Variants in AGBL1 observed in about 807,000 individuals in gnomAD.
The protein encoded by AGBL1 is cytosolic carboxypeptidase 4.
Under a neutral mutation model 118.9 loss-of-function variants are expected in AGBL1, and 130 were observed. The ratio of observed to expected loss-of-function variants is 1.09; its 90% CI spans 0.95 to 1.26. The LOEUF (loss-of-function observed/expected upper bound fraction) is 1.26, where lower values mean the gene tolerates loss of function less well. AGBL1 is among the 50% of genes most tolerant of loss of function. The pLI, the probability that AGBL1 is intolerant of heterozygous loss-of-function variation, is 0.00. For missense variants in AGBL1, 1,584 were observed against 1,298.1 expected, an observed-to-expected ratio of 1.22 and a Z score of -3.38; for synonymous variants, 555 against 478.9, an observed-to-expected ratio of 1.16 and a Z score of -2.08.
intron 14 of AGBL1, among the ~76,000 whole-genome samples, chr15:86,270,957 GC>G (rs1341185788): frequency 2.0e-5 from 3 of 151,130 alleles, no homozygotes; most frequent in Non-Finnish European, 4.4e-5. Context: ...AGCATTCTCT[GC>G]ATTCCTTGGC....
intron 22 of AGBL1, among the ~76,000 whole-genome samples, chr15:86,863,304 A>T (rs369216150): frequency 6.6e-6 from 1 of 152,210 alleles, no homozygotes; most frequent in South Asian, 2.1e-4. Flanking sequence ...CCCCTAAGGA[A>T]CTGCATATTT....
chr15:86,542,705 C>G (rs1273056082), intron 19 of AGBL1, among the ~76,000 whole-genome samples: 1 of 151,944 alleles, frequency 6.6e-6, no homozygotes, highest in Non-Finnish European at 1.5e-5. Context: ...TTATGCAATC[C>G]TAGAGTACAG....
At chr15:86,527,685 T>G (rs74025180) in intron 19 of AGBL1, among the ~76,000 whole-genome samples, 5,134 of 152,258 alleles carry the variant, frequency 0.034, 123 homozygotes, top group East Asian at 0.082. Context: ...GGGAAGCCAC[T>G]TTATGGTGGC....
chr15:86,242,686 T>G (rs991307792), intron 6 of AGBL1, among the ~76,000 whole-genome samples: 1 of 152,200 alleles, frequency 6.6e-6, no homozygotes, highest in Non-Finnish European at 1.5e-5. Context: ...TGCTGCAGGC[T>G]CCTACATTTT....
intron 23 of AGBL1, among the ~76,000 whole-genome samples, chr15:86,967,449 T>A (rs1409707526): frequency 6.6e-6 from 1 of 152,190 alleles, no homozygotes; most frequent in Non-Finnish European, 1.5e-5. Context: ...CTAGGGTTTT[T>A]ATGGTTTTAG....
intron 22 of AGBL1, among the ~76,000 whole-genome samples, chr15:86,775,083 G>T (rs1343711281): frequency 1.3e-5 from 2 of 152,172 alleles, no homozygotes; most frequent in Admixed American, 1.3e-4. Context: ...TTCAAAACAG[G>T]CATGATTCCT....
chr15:86,807,369 G>A (rs572885851), intron 22 of AGBL1, among the ~76,000 whole-genome samples: 19 of 152,248 alleles, frequency 1.2e-4, no homozygotes, highest in African/African-American at 4.3e-4. Flanking sequence ...GAGACATCAC[G>A]TTGGAAGCAT....
chr15:86,796,477 G>A (rs765451055), intron 22 of AGBL1, among the ~76,000 whole-genome samples: 3 of 152,174 alleles, frequency 2.0e-5, no homozygotes, highest in Non-Finnish European at 4.4e-5. Flanking sequence ...GCCACAGTCC[G>A]AAATACCTCT....
chr15:86,246,951 C>G (rs1169340785), intron 6 of AGBL1, among the ~76,000 whole-genome samples: 2 of 152,158 alleles, frequency 1.3e-5, no homozygotes, highest in African/African-American at 2.4e-5. Context: ...GTGGAAATCT[C>G]TCTCTGTGTC....
chr15:86,281,209 C>G (rs1404395776), intron 16 of AGBL1, among the ~76,000 whole-genome samples: 1 of 152,062 alleles, frequency 6.6e-6, no homozygotes, highest in Non-Finnish European at 1.5e-5. Context: ...ATGGTGAAAC[C>G]ACCATCTCTA....
intron 12 of AGBL1, 132 bp from the exon 13 acceptor site, chr15:86,266,858 G>T: frequency 1.3e-6 from 1 of 783,504 alleles, no homozygotes; most frequent in Non-Finnish European, 2.1e-6. Flanking sequence ...CTGACATCCC[G>T]CCCTGCACTC....
At chr15:86,451,959 A>T (rs1207028942) in intron 18 of AGBL1, among the ~76,000 whole-genome samples, 2 of 152,100 alleles carry the variant, frequency 1.3e-5, no homozygotes, top group African/African-American at 2.4e-5. Flanking sequence ...TTTTACCAAC[A>T]TTGATGATTT....
intron 18 of AGBL1, among the ~76,000 whole-genome samples, chr15:86,409,963 C>G (rs923879896): frequency 6.6e-6 from 1 of 152,090 alleles, no homozygotes; most frequent in African/African-American, 2.4e-5. Flanking sequence ...CTAAATTTCC[C>G]CTTTAGACAT....
At chr15:86,235,154 G>A (rs960300619) in intron 6 of AGBL1, among the ~76,000 whole-genome samples, 2 of 152,108 alleles carry the variant, frequency 1.3e-5, no homozygotes, top group Non-Finnish European at 2.9e-5. Context: ...CCCTACTTTA[G>A]ACTATGTGAG....
intron 21 of AGBL1, among the ~76,000 whole-genome samples, chr15:86,608,174 T>G (rs955906513): frequency 6.6e-6 from 1 of 152,194 alleles, no homozygotes; most frequent in Non-Finnish European, 1.5e-5. Context: ...CAGAACAGCT[T>G]TATCCCTTTC....
chr15:86,157,818 C>T (rs1229316190), intron 4 of AGBL1, among the ~76,000 whole-genome samples: 4 of 152,122 alleles, frequency 2.6e-5, no homozygotes, highest in African/African-American at 9.7e-5. Flanking sequence ...TCTCAGATGG[C>T]CAATGAGGAT....
At chr15:86,986,171 G>A (rs149390382) in intron 23 of AGBL1, among the ~76,000 whole-genome samples, 3,407 of 152,226 alleles carry the variant, frequency 0.022, 117 homozygotes, top group African/African-American at 0.076. Context: ...TGATCCACCC[G>A]CCTCGGCCTC....
chr15:86,651,988 A>G (rs1056530454), intron 21 of AGBL1, among the ~76,000 whole-genome samples: 2 of 152,066 alleles, frequency 1.3e-5, no homozygotes, highest in African/African-American at 2.4e-5. Flanking sequence ...TTGTTTTTCT[A>G]CAGTCCAACT....
chr15:86,612,132 T>C (rs866337306), intron 21 of AGBL1, among the ~76,000 whole-genome samples: 28 of 152,158 alleles, frequency 1.8e-4, no homozygotes, highest in African/African-American at 6.7e-4. Context: ...ATAGTGCTCT[T>C]CACTTTTTGG....
Sources: gnomAD v4.1 joint callset for allele counts (sites outside exome capture counted in the v4.1 genomes callset) on GRCh38, gnomAD v4.1.1 for gene constraint, MANE v1.5 for transcripts, NCBI Gene and HGNC (gene_info 2026-07-23, HGNC 2026-07-21) for gene names.